BRIP1: variants seen among roughly 807,000 people sequenced by gnomAD.
BRIP1 encodes the protein BRCA1 interacting DNA helicase 1, also known as Fanconi anemia group J protein.
BRIP1 carries 88 observed loss-of-function variants against 119.7 expected under a neutral mutation model. The ratio of observed to expected loss-of-function variants is 0.74; its 90% CI spans 0.62 to 0.88. The LOEUF (loss-of-function observed/expected upper bound fraction) is 0.88, where lower values mean the gene tolerates loss of function less well. Ranked by LOEUF, BRIP1 falls within the 40% of genes least tolerant of loss-of-function variation. BRIP1 has a pLI of 0.00. For missense variants in BRIP1, 1,259 were observed against 1,455.4 expected (o/e 0.87, Z 2.20); for synonymous variants, 443 against 496.5 (o/e 0.89, Z 1.43).
rs1060501757 is a variant in BRIP1, at chr17:61,781,006, C to A, written c.1629-1G>T. The A allele has an allele frequency of 6.2e-7, 1 of 1,613,622 alleles. No individual in the cohort carries two copies. The highest frequency in any genetic ancestry group is 8.5e-7 in the Non-Finnish European group (1 of 1,179,962). ...CGCAATTTTATAATCATCTGCAAAT[C>A]TAGATGCAAAGAAAGTGCTAATTAA... On this transcript the variant is annotated splice_acceptor_variant, in intron 11 of 19. Transcript: ENST00000259008. LOFTEE classifies it high-confidence loss of function.
At chr17:61,777,365 C>T (rs2077550310) in intron 13 of BRIP1, among the ~76,000 whole-genome samples, 1 of 152,156 alleles carries the variant, frequency 6.6e-6, no homozygotes, top group Non-Finnish European at 1.5e-5. Context: ...ACCAAGCAAT[C>T]AATTCTGCAA....
intron 10 of BRIP1, among the ~76,000 whole-genome samples, chr17:61,790,320 G>C (rs9889452): frequency 0.78 from 118,581 of 152,058 alleles, 46,748 homozygotes; most frequent in African/African-American, 0.85. Flanking sequence ...CATGGTGGGC[G>C]GATCACCTGA....
At position 61,804,881 on chromosome 17, in the gene BRIP1, C is replaced by T. The variant is rs547011406; in HGVS notation, c.919-3407G>A. On this transcript the variant is annotated intron_variant, in intron 7 of 19. Coordinates refer to ENST00000259008, the MANE Select transcript of BRIP1 (RefSeq NM_032043.3). The surrounding 1 kb of genome is among the most constrained non-coding windows in gnomAD (Gnocchi z 4.5). ...TGGAAATAAAAGATTTCATTACAGG[C>T]TGAGCGCACTGGCTCATGCTTATAA... is the stretch of plus-strand genomic sequence containing the variant. Among the ~76,000 whole-genome samples, 30 of 151,698 alleles carry T rather than the reference C, an allele frequency of 2.0e-4. No homozygotes were observed. The highest frequency in any genetic ancestry group is 3.2e-4 in the Non-Finnish European group (22 of 67,938).
rs145577394 is a variant in BRIP1, at chr17:61,736,815, AT to A, written c.2379+6197del. Among the ~76,000 whole-genome samples, 706 of 152,338 alleles carry A rather than the reference AT, an allele frequency of 4.6e-3. 6 individuals are homozygous for A. Among genetic ancestry groups the A allele is most frequent in the African/African-American group, 0.016 (668 of 41,578 alleles). On this transcript the variant is annotated intron_variant, in intron 16 of 19. Coordinates refer to ENST00000259008, the MANE Select transcript of BRIP1 (RefSeq NM_032043.3). This position sits in a 1 kb window ranked among gnomAD's most constrained non-coding sequence, Gnocchi z 4.4. ...ATGAAACAGATTATAAAACATCTTT[AT>A]AAACACTAAATATGTGCTTTAGGAA...
rs569436326 is a variant in BRIP1 at position 61,729,503 on chromosome 17, T to C, written c.2380-13440A>G. ...TTAATAGTTCATGTCTAAAACTGAT[T>C]AAATAAAGATAAAATATGGAGGTAA... On this transcript the variant is annotated intron_variant, in intron 16 of 19. Transcript: ENST00000259008. The surrounding 1 kb of genome is among the most constrained non-coding windows in gnomAD (Gnocchi z 5.6). Among the ~76,000 whole-genome samples, 5 of 151,860 alleles carry C rather than the reference T, an allele frequency of 3.3e-5. No homozygotes were observed. The South Asian group carries it at 1.0e-3, about 32-fold the overall frequency.
At position 61,806,449 on chromosome 17, in the gene BRIP1, CTAA is replaced by C. The variant is rs2078074622; in HGVS notation, c.918+2015_918+2017del. Among the ~76,000 whole-genome samples, 1 of 152,046 alleles carries C rather than the reference CTAA, an allele frequency of 6.6e-6. No homozygotes were observed. Among genetic ancestry groups the C allele is most frequent in the Non-Finnish European group, 1.5e-5 (1 of 68,016 alleles). ...CAGATATCTTCAATTATTCATATTA[CTAA>C]TATTAAAAAATAAAATACCTGTTCA... On this transcript the variant is annotated intron_variant, in intron 7 of 19. Coordinates refer to ENST00000259008, the MANE Select transcript of BRIP1 (RefSeq NM_032043.3). This position sits in a 1 kb window ranked among gnomAD's most constrained non-coding sequence, Gnocchi z 4.9.
rs1175147850 is a variant in BRIP1, at chr17:61,828,500, A to G, written c.627+18601T>C. Among the ~76,000 whole-genome samples, 1 of 152,196 alleles carries G rather than the reference A, an allele frequency of 6.6e-6. No homozygotes were observed. Among genetic ancestry groups the G allele is most frequent in the Non-Finnish European group, 1.5e-5 (1 of 68,030 alleles). On this transcript the variant is annotated intron_variant, in intron 6 of 19. Transcript: ENST00000259008. This position sits in a 1 kb window ranked among gnomAD's most constrained non-coding sequence, Gnocchi z 4.1. ...TAGATAATAGTATATAAATATGCAT[A>G]ATACCACTGAATTTACACTTAAAAA...
intron 7 of BRIP1, 96 bp from the exon 8 acceptor site, chr17:61,801,570 C>T (rs2077995426): frequency 6.6e-6 from 8 of 1,212,842 alleles, no homozygotes. Flanking sequence ...TCATTAAAGC[C>T]ACAAGGCTAA....
chr17:61,784,362 CT>C lies in BRIP1; in HGVS notation c.1535del (p.Glu512GlyfsTer14). 1 of 1,613,306 alleles carries C rather than the reference CT, an allele frequency of 6.2e-7. No homozygotes were observed. The highest frequency in any genetic ancestry group is 8.5e-7 in the Non-Finnish European group (1 of 1,179,370). On this transcript the variant is annotated frameshift_variant, in exon 11 of 20. Transcript: ENST00000259008. LOFTEE classifies it high-confidence loss of function. ...EKISPIYGKE[E>X]AREVPVISAS... is the part of the protein sequence containing the mutation. ...CACTAATAACAGGTACTTCTCTTGCCTCCTCTTTACCATAAATTGGTGAGAT... is the reference window on the plus strand; with the variant it reads ...CACTAATAACAGGTACTTCTCTTGCCCCTCTTTACCATAAATTGGTGAGAT...
In BRIP1 at chr17:61,789,642, C is replaced by T. The variant is rs1207610912; in HGVS notation, c.1473+3955G>A. Among the ~76,000 whole-genome samples, 1 of 152,048 alleles carries T rather than the reference C, an allele frequency of 6.6e-6. No individual in the cohort carries two copies. The highest frequency in any genetic ancestry group is 2.4e-5 in the African/African-American group (1 of 41,400). On this transcript the variant is annotated intron_variant, in intron 10 of 19. Coordinates refer to ENST00000259008, the MANE Select transcript of BRIP1 (RefSeq NM_032043.3). The surrounding 1 kb of genome is among the most constrained non-coding windows in gnomAD (Gnocchi z 4.8). ...AAACTGGAAATAACCTATATTTCAA[C>T]TTATCAGATTAATCAATTTAGAATA...
At position 61,754,895 on chromosome 17, in the gene BRIP1, A is replaced by G. The variant is rs145524248; in HGVS notation, c.2098-10304T>C. 5.3e-5 allele frequency among the ~76,000 whole-genome samples: 8 copies of G among 152,272 alleles called. No individual in the cohort carries two copies. The highest frequency in any genetic ancestry group is 2.1e-4 in the South Asian group (1 of 4,822). ...GCCCTTACAGCCTCATTTAACCGCA[A>G]TTACTTCCTTAGAGGCCCCATCTCC... On this transcript the variant is annotated intron_variant, in intron 14 of 19. Transcript: ENST00000259008. The surrounding 1 kb of genome is among the most constrained non-coding windows in gnomAD (Gnocchi z 4.1).
intron 6 of BRIP1, among the ~76,000 whole-genome samples, chr17:61,838,182 A>G (rs934364105): frequency 2.0e-5 from 3 of 152,142 alleles, no homozygotes; most frequent in Admixed American, 2.0e-4. Flanking sequence ...AAATATTTCT[A>G]TTTAAAAAAT....
rs1490740409 is a variant in BRIP1 at position 61,758,072 on chromosome 17, T to TTTGAAACATAAATTCTGAATTA, written c.2098-13503_2098-13482dup. Among the ~76,000 whole-genome samples the TTTGAAACATAAATTCTGAATTA allele has an allele frequency of 2.6e-5, 4 of 152,184 alleles. No homozygotes were observed. The highest frequency in any genetic ancestry group is 9.6e-5 in the African/African-American group (4 of 41,460). ...TATGTATGGAACAAATTCTTAACTCTTTGAAACATAAATTCTGAATTACTG... is the reference window on the plus strand; with the variant it reads ...TATGTATGGAACAAATTCTTAACTCTTTGAAACATAAATTCTGAATTATTGAAACATAAATTCTGAATTACTG... On this transcript the variant is annotated intron_variant, in intron 14 of 19. Transcript: ENST00000259008. This position sits in a 1 kb window ranked among gnomAD's most constrained non-coding sequence, Gnocchi z 5.3.
At position 61,799,612 on chromosome 17, in the gene BRIP1, G is replaced by C. The variant is rs1188280979; in HGVS notation, c.1141-313C>G. 6.6e-5 allele frequency among the ~76,000 whole-genome samples: 10 copies of C among 152,014 alleles called. No individual in the cohort carries two copies. Among genetic ancestry groups the C allele is most frequent in the Non-Finnish European group, 1.5e-4 (10 of 68,002 alleles). On this transcript the variant is annotated intron_variant, in intron 8 of 19. Coordinates refer to ENST00000259008, the MANE Select transcript of BRIP1 (RefSeq NM_032043.3). This position sits in a 1 kb window ranked among gnomAD's most constrained non-coding sequence, Gnocchi z 5.1. ...ACAGAAAGGTATAAAATCCCACTAT[G>C]AAAGTGTTTCCAACATAATTTTACA...
At position 61,751,677 on chromosome 17, in the gene BRIP1, AAT is replaced by A. The variant is rs1411655549; in HGVS notation, c.2098-7088_2098-7087del. On this transcript the variant is annotated intron_variant, in intron 14 of 19. Coordinates refer to ENST00000259008, the MANE Select transcript of BRIP1 (RefSeq NM_032043.3). The surrounding 1 kb of genome is among the most constrained non-coding windows in gnomAD (Gnocchi z 6.7). ...TTTCATTTATATAAAGTTCAAAAAC[AAT>A]ATGTTCTTTGAGAAAAATATATATA... 6.6e-6 allele frequency among the ~76,000 whole-genome samples: 1 copy of A among 152,228 alleles called. No homozygotes were observed. The highest frequency in any genetic ancestry group is 1.5e-5 in the Non-Finnish European group (1 of 68,038).
At position 61,744,564 on chromosome 17, in the gene BRIP1, G is replaced by A. The variant is rs2077033994; in HGVS notation, c.2125C>T (p.Leu709Phe). 6.2e-7 allele frequency: 1 copy of A among 1,613,696 alleles called. No homozygotes were observed. The highest frequency in any genetic ancestry group is 2.2e-5 in the East Asian group (1 of 44,826). The change falls in exon 15 of 20, where the codon CTC (leucine) becomes TTC (phenylalanine). Residue 709 changes from leucine (L) to phenylalanine (F), a missense_variant. By Grantham distance (22) the Leu-to-Phe change is conservative (BLOSUM62 0). This residue lies in a region of BRIP1 where 753 missense variants were observed against 891.8 expected (regional missense o/e 0.84). Coordinates refer to ENST00000259008, the MANE Select transcript of BRIP1 (RefSeq NM_032043.3). The surrounding 1 kb of genome is among the most constrained non-coding windows in gnomAD (Gnocchi z 5.0). ...KLLEKLKERWLSTGLWHNLEL... is the reference protein window; with the variant it reads ...KLLEKLKERWFSTGLWHNLEL... Reference sequence around the variant, plus strand: ...AGATTATGCCATAAACCAGTAGAGAGCCAACGTTCTTTTAATTTTTCTAAT... The same window carrying A: ...AGATTATGCCATAAACCAGTAGAGAACCAACGTTCTTTTAATTTTTCTAAT...
At position 61,778,626 on chromosome 17, in the gene BRIP1, T is replaced by C. The variant is rs1282975359; in HGVS notation, c.1935+1635A>G. Among the ~76,000 whole-genome samples, 1 of 152,220 alleles carries C rather than the reference T, an allele frequency of 6.6e-6. No homozygotes were observed. The highest frequency in any genetic ancestry group is 2.4e-5 in the African/African-American group (1 of 41,466). On this transcript the variant is annotated intron_variant, in intron 13 of 19. Transcript: ENST00000259008. This position sits in a 1 kb window ranked among gnomAD's most constrained non-coding sequence, Gnocchi z 4.4. ...ACTTTTGTGCAGTAGGCTGAGAACA[T>C]AGAGCCTGTAATAACATTCTTATGA...
At chr17:61,837,554 A>G (rs10515212) in intron 6 of BRIP1, among the ~76,000 whole-genome samples, 28,799 of 152,098 alleles carry the variant, frequency 0.19, 3,154 homozygotes, top group Admixed American at 0.3. Context: ...GAATAAATAA[A>G]AAGCAGGTAT....
chr17:61,828,915 G>A lies in BRIP1; in HGVS notation c.627+18186C>T, dbSNP rs2078448734. On this transcript the variant is annotated intron_variant, in intron 6 of 19. Coordinates refer to ENST00000259008, the MANE Select transcript of BRIP1 (RefSeq NM_032043.3). The surrounding 1 kb of genome is among the most constrained non-coding windows in gnomAD (Gnocchi z 4.1). ...TTGTGAGTTGAAATATTATTTGAAG[G>A]TACACTGTGATAAGTTTAAGATGCA... 6.6e-6 allele frequency among the ~76,000 whole-genome samples: 1 copy of A among 152,056 alleles called. No homozygotes were observed. Among genetic ancestry groups the A allele is most frequent in the Admixed American group, 6.5e-5 (1 of 15,272 alleles).
Sources: gnomAD v4.1 joint callset for allele counts (sites outside exome capture counted in the v4.1 genomes callset) on GRCh38, gnomAD v4.1.1 for gene constraint, gnomAD v4.1.1 regional missense constraint, Gnocchi (gnomAD v3.1) non-coding constraint, MANE v1.5 for transcripts, NCBI Gene and HGNC (gene_info 2026-07-23, HGNC 2026-07-21) for gene names.